NDFIP2: variants seen among roughly 807,000 people sequenced by gnomAD.
NDFIP2 encodes the protein NEDD4 family-interacting protein 2.
In NDFIP2, 19 loss-of-function variants were observed where a neutral mutation model predicts 36.0. The observed-to-expected ratio is 0.53, with a 90% CI of 0.37 to 0.77. The LOEUF (loss-of-function observed/expected upper bound fraction) is 0.77. NDFIP2 is among the 30% of genes least tolerant of loss of function. The pLI, the probability that NDFIP2 is intolerant of heterozygous loss-of-function variation, is 0.00. For missense variants in NDFIP2, 446 were observed against 435.8 expected (o/e 1.02, Z -0.21); for synonymous variants, 181 against 167.7 (o/e 1.08, Z -0.61).
intron 2 of NDFIP2, among the ~76,000 whole-genome samples, chr13:79,527,966 T>C (rs1874864651): frequency 6.6e-6 from 1 of 152,082 alleles, no homozygotes; most frequent in South Asian, 2.1e-4. Flanking sequence ...GTGTTGCAGT[T>C]TTTAATAAAA....
intron 2 of NDFIP2, among the ~76,000 whole-genome samples, chr13:79,526,941 A>T (rs999608389): frequency 1.3e-5 from 2 of 152,194 alleles, no homozygotes; most frequent in African/African-American, 4.8e-5. Context: ...GTGTTCACAT[A>T]GCTTCTCAGT....
chr13:79,546,332 T>C (rs1875679891), intron 5 of NDFIP2, among the ~76,000 whole-genome samples: 1 of 152,208 alleles, frequency 6.6e-6, no homozygotes, highest in African/African-American at 2.4e-5. Flanking sequence ...TACTTCTATC[T>C]AAGGTTTTTT....
chr13:79,541,547 T>C lies in NDFIP2; in HGVS notation c.715+1772T>C, dbSNP rs566361715. Among the ~76,000 whole-genome samples, 8 of 152,114 alleles carry C rather than the reference T, an allele frequency of 5.3e-5. 1 individual carries two copies. The South Asian group carries it at 1.7e-3, about 31-fold the overall frequency. On this transcript the variant is annotated intron_variant, in intron 4 of 7. Coordinates refer to ENST00000218652, the MANE Select transcript of NDFIP2 (RefSeq NM_019080.3). ...AACAGTAAATTTATATTTTTACCTG[T>C]ATTTCCTGATTTTTTTTTCTGGCAG... is the stretch of plus-strand genomic sequence containing the variant.
intron 1 of NDFIP2, among the ~76,000 whole-genome samples, chr13:79,484,428 T>C (rs2079831493): frequency 6.6e-6 from 1 of 152,234 alleles, no homozygotes; most frequent in Non-Finnish European, 1.5e-5. Flanking sequence ...GTGTTGATTG[T>C]AGCAGTAATT....
intron 2 of NDFIP2, among the ~76,000 whole-genome samples, chr13:79,525,559 T>G (rs1042798243): frequency 6.6e-6 from 1 of 152,208 alleles, no homozygotes; most frequent in African/African-American, 2.4e-5. Flanking sequence ...ATAGAGTTAC[T>G]TGAATGCAAG....
chr13:79,516,773 A>G (rs1874360075), intron 1 of NDFIP2, among the ~76,000 whole-genome samples: 1 of 152,158 alleles, frequency 6.6e-6, no homozygotes. Flanking sequence ...ACTCTAATGT[A>G]GTGCACTGCT....
At chr13:79,544,391 G>T (rs1202870608) in intron 5 of NDFIP2, among the ~76,000 whole-genome samples, 2 of 151,722 alleles carry the variant, frequency 1.3e-5, no homozygotes, top group Non-Finnish European at 2.9e-5. Flanking sequence ...TCTCCAGATA[G>T]TTTTCTGTAA....
intron 1 of NDFIP2, among the ~76,000 whole-genome samples, chr13:79,515,011 T>C (rs887193980): frequency 1.3e-5 from 2 of 152,186 alleles, no homozygotes; most frequent in African/African-American, 4.8e-5. Flanking sequence ...GAGAATGCAA[T>C]AGGTGATTTC....
rs965331763 is a variant in NDFIP2 at position 79,552,702 on chromosome 13, A to G, written c.*189A>G. The G allele has an allele frequency of 2.6e-5, 4 of 151,832 alleles. No individual in the cohort carries two copies. Among genetic ancestry groups the G allele is most frequent in the Non-Finnish European group, 5.9e-5 (4 of 67,446 alleles). 9.4% of individuals were successfully genotyped at this position (151,832 alleles called of 1,614,324 possible). On this transcript the variant is annotated 3_prime_UTR_variant, in exon 8 of 8. Transcript: ENST00000218652. ...ATTTCTGTTCATTCTTTAAGTATCT[A>G]TATTTCATTTGTTTTGCACATATGC...
At chr13:79,488,284 G>A (rs1378137285) in intron 1 of NDFIP2, among the ~76,000 whole-genome samples, 2 of 151,916 alleles carry the variant, frequency 1.3e-5, no homozygotes, top group Admixed American at 1.3e-4. Flanking sequence ...GGGTTGCCAG[G>A]GTAAATTGCT....
At chr13:79,500,284 A>G (rs942355710) in intron 1 of NDFIP2, among the ~76,000 whole-genome samples, 1 of 152,008 alleles carries the variant, frequency 6.6e-6, no homozygotes. Flanking sequence ...CTAAAAGATA[A>G]CATAAGAGAA....
chr13:79,528,812 A>G (rs1310634653), intron 2 of NDFIP2, among the ~76,000 whole-genome samples: 1 of 152,180 alleles, frequency 6.6e-6, no homozygotes, highest in Non-Finnish European at 1.5e-5. Context: ...AGTAGGCTCT[A>G]CACTCTAGGT....
In NDFIP2 at chr13:79,509,690, T is replaced by TATATAGAGAG. The variant is rs113326163; in HGVS notation, c.322-11119_322-11118insTATAGAGAGA. Among the ~76,000 whole-genome samples, 274 of 147,914 alleles carry TATATAGAGAG rather than the reference T, an allele frequency of 1.9e-3. 1 individual carries two copies. The highest frequency in any genetic ancestry group is 6.6e-3 in the African/African-American group (262 of 39,786). ...TGTATATTATCGATATATATATATA[T>TATATAGAGAG]AGAGAGAGAGAGAGAGAAGTTTATT... On this transcript the variant is annotated intron_variant, in intron 1 of 7. Transcript: ENST00000218652.
chr13:79,489,230 G>T (rs1047793347), intron 1 of NDFIP2, among the ~76,000 whole-genome samples: 9 of 152,156 alleles, frequency 5.9e-5, no homozygotes, highest in African/African-American at 9.7e-5. Context: ...GAATTTCCAA[G>T]ATGGCTCACT....
chr13:79,512,650 T>G (rs1344205316), intron 1 of NDFIP2, among the ~76,000 whole-genome samples: 1 of 152,200 alleles, frequency 6.6e-6, no homozygotes, highest in Non-Finnish European at 1.5e-5. Flanking sequence ...TGATGCAGAT[T>G]GTAGCCTCAG....
At chr13:79,548,487 T>A (rs975998356) in intron 6 of NDFIP2, 93 bp downstream of exon 6, 1 of 1,008,292 alleles carries the variant, frequency 9.9e-7, no homozygotes, top group African/African-American at 1.6e-5. Flanking sequence ...GTGGAAATTA[T>A]TTTTCTTCTG....
intron 2 of NDFIP2, among the ~76,000 whole-genome samples, chr13:79,530,377 G>A (rs555999948): frequency 4.6e-5 from 7 of 152,260 alleles, no homozygotes; most frequent in Admixed American, 6.5e-5. Flanking sequence ...TCAGCTTCCC[G>A]AGTAGCTGGG....
intron 2 of NDFIP2, among the ~76,000 whole-genome samples, chr13:79,532,297 C>A (rs1875047157): frequency 6.6e-6 from 1 of 152,184 alleles, no homozygotes; most frequent in South Asian, 2.1e-4. Flanking sequence ...TTGCAAAATG[C>A]ACAAAAGCAA....
chr13:79,548,455 A>C (rs1052646209), intron 6 of NDFIP2, 61 bp downstream of exon 6: 9 of 1,254,894 alleles, frequency 7.2e-6, no homozygotes, highest in Non-Finnish European at 9.1e-6. Flanking sequence ...GTAAGATGTA[A>C]ATAAACTGTG....
Sources: allele counts gnomAD v4.1 joint callset (sites outside exome capture counted in the v4.1 genomes callset), GRCh38; gene constraint gnomAD v4.1.1; transcripts MANE v1.5; gene names NCBI Gene and HGNC (gene_info 2026-07-23, HGNC 2026-07-21).